The following ANKS1A variants were observed in gnomAD, a reference collection of about 807,000 sequenced individuals.
ANKS1A encodes ankyrin repeat and SAM domain-containing protein 1A.
In ANKS1A, 55 loss-of-function variants were observed where a neutral mutation model predicts 120.3. That is an observed-to-expected ratio of 0.46 (90% CI 0.37 to 0.57). The LOEUF is 0.57. ANKS1A is among the 20% of genes least tolerant of loss of function. The pLI, the probability that ANKS1A is intolerant of heterozygous loss-of-function variation, is 0.00. For missense variants in ANKS1A, 1,123 were observed against 1,480.3 expected, an observed-to-expected ratio of 0.76 and a Z score of 3.96; for synonymous variants, 590 against 604.7, an observed-to-expected ratio of 0.98 and a Z score of 0.36.
chr6:34,938,944 C>T (rs1306088449), intron 1 of ANKS1A, among the ~76,000 whole-genome samples: 3 of 152,184 alleles, frequency 2.0e-5, no homozygotes, highest in Non-Finnish European at 4.4e-5. Flanking sequence ...GCTGAGATCT[C>T]GCCACTGTGC....
At chr6:34,996,774 A>G (rs1194341901) in intron 10 of ANKS1A, among the ~76,000 whole-genome samples, 1 of 152,062 alleles carries the variant, frequency 6.6e-6, no homozygotes, top group Non-Finnish European at 1.5e-5. Flanking sequence ...CCTGGCCACC[A>G]ATCTTTTCTA....
At chr6:34,993,752 G>C (rs1381327415) in intron 9 of ANKS1A, among the ~76,000 whole-genome samples, 1 of 152,196 alleles carries the variant, frequency 6.6e-6, no homozygotes, top group Non-Finnish European at 1.5e-5. Context: ...AAGGATTCCA[G>C]TCTTTGGATA....
chr6:34,952,204 G>C (rs1770124088), intron 1 of ANKS1A, among the ~76,000 whole-genome samples: 1 of 152,092 alleles, frequency 6.6e-6, no homozygotes, highest in Non-Finnish European at 1.5e-5. Context: ...AGGAAATAGT[G>C]GGTTATCTAA....
chr6:35,079,157 G>A (rs1777524475), intron 14 of ANKS1A, among the ~76,000 whole-genome samples: 1 of 152,342 alleles, frequency 6.6e-6, no homozygotes, highest in South Asian at 2.1e-4. Context: ...CCTGTCCAGA[G>A]CTTGGGAAGC....
At chr6:34,984,125 G>A (rs1772059900) in intron 7 of ANKS1A, among the ~76,000 whole-genome samples, 1 of 152,094 alleles carries the variant, frequency 6.6e-6, no homozygotes, top group African/African-American at 2.4e-5. Flanking sequence ...GATTGGTAGG[G>A]GGGTACATGG....
chr6:34,938,024 C>T (rs1769344783), intron 1 of ANKS1A, among the ~76,000 whole-genome samples: 1 of 152,194 alleles, frequency 6.6e-6, no homozygotes, highest in Non-Finnish European at 1.5e-5. Flanking sequence ...GACCTCTCTT[C>T]CACTTAGGGC....
intron 3 of ANKS1A, among the ~76,000 whole-genome samples, chr6:34,971,817 G>A (rs990435111): frequency 6.6e-6 from 1 of 152,146 alleles, no homozygotes; most frequent in Admixed American, 6.5e-5. Context: ...GAGATTGTGT[G>A]TATATAGCTG....
At chr6:35,079,432 T>C in intron 14 of ANKS1A, 84 bp from the exon 15 acceptor site, 1 of 1,558,572 alleles carries the variant, frequency 6.4e-7, no homozygotes, top group Admixed American at 1.8e-5. Context: ...CCACAGTCTG[T>C]GTGAGCTGGC....
chr6:35,096,527 T>G, the ANKS1A span, among the ~76,000 whole-genome samples: 1 of 152,184 alleles, frequency 6.6e-6, no homozygotes, highest in Non-Finnish European at 1.5e-5. Flanking sequence ...CTCATTTTGG[T>G]TTGGTTATGC....
At chr6:35,022,797 T>C (rs1774411411) in intron 11 of ANKS1A, among the ~76,000 whole-genome samples, 1 of 152,026 alleles carries the variant, frequency 6.6e-6, no homozygotes, top group Non-Finnish European at 1.5e-5. Context: ...AAATTCGGAG[T>C]CTTAGTGTAT....
In ANKS1A at chr6:35,059,368, C is replaced by A. The variant is rs1776368326; in HGVS notation, c.2078-779C>A. On this transcript the variant is annotated intron_variant, in intron 12 of 23. Coordinates refer to ENST00000360359, the MANE Select transcript of ANKS1A (RefSeq NM_015245.3). ...CCACACCTGAGCCTGACCCCCGAGC[C>A]CCGGCCCATGTGCCCCATTCAGCCC... 3.9e-5 allele frequency among the ~76,000 whole-genome samples: 6 copies of A among 152,264 alleles called. No individual in the cohort carries two copies. In the South Asian group the frequency reaches 1.2e-3, roughly 31 times the overall value.
chr6:35,039,666 C>A (rs1328761769), intron 11 of ANKS1A: 2 of 455,592 alleles, frequency 4.4e-6, no homozygotes, highest in African/African-American at 4.0e-5. Flanking sequence ...TGCACAGAAG[C>A]CATTCTCCTG....
At chr6:34,941,611 T>G (rs1278085716) in intron 1 of ANKS1A, among the ~76,000 whole-genome samples, 1 of 152,210 alleles carries the variant, frequency 6.6e-6, no homozygotes, top group African/African-American at 2.4e-5. Context: ...TATAATGAAT[T>G]AATGTTGAAT....
At chr6:34,985,329 C>G in intron 8 of ANKS1A, 51 bp downstream of exon 8, 2 of 1,570,588 alleles carry the variant, frequency 1.3e-6, no homozygotes, top group Non-Finnish European at 1.7e-6. Flanking sequence ...GCTGGCTGGC[C>G]CCTGAGGTGA....
chr6:35,006,775 AAAAC>A (rs1266363543), intron 10 of ANKS1A, among the ~76,000 whole-genome samples: 1 of 152,178 alleles, frequency 6.6e-6, no homozygotes, highest in Non-Finnish European at 1.5e-5. Context: ...ACAAAAAACA[AAAAC>A]AAAAATCTCA....
chr6:34,927,035 T>C (rs1768751941), intron 1 of ANKS1A, among the ~76,000 whole-genome samples: 1 of 152,206 alleles, frequency 6.6e-6, no homozygotes. Flanking sequence ...AGTTTGTCCA[T>C]TTGTGAAATG....
At position 34,981,905 on chromosome 6, in the gene ANKS1A, C is replaced by A; in HGVS notation, c.651C>A (p.Thr217=). The stretch of plus-strand genomic sequence containing the variant: ...TGAGCTGCAACACTAAGAAGCACAC[C>A]CCTCTGCACTTGGCAGCAAGGAATG... ...NLLSCNTKKH[T]PLHLAARNGH... is the part of the protein sequence containing the mutation. The change falls in exon 4 of 24, where the codon ACC becomes ACA. Residue 217 remains threonine, a synonymous_variant. Coordinates refer to ENST00000360359, the MANE Select transcript of ANKS1A (RefSeq NM_015245.3). 1 of 1,614,104 alleles carries A rather than the reference C, an allele frequency of 6.2e-7. No homozygotes were observed. The highest frequency in any genetic ancestry group is 8.5e-7 in the Non-Finnish European group (1 of 1,180,014).
chr6:35,015,218 C>T (rs954095130), intron 10 of ANKS1A, among the ~76,000 whole-genome samples: 3 of 151,968 alleles, frequency 2.0e-5, no homozygotes, highest in African/African-American at 4.8e-5. Flanking sequence ...AGAGGAGGGG[C>T]CCAACACAGT....
intron 1 of ANKS1A, among the ~76,000 whole-genome samples, chr6:34,937,924 ACTTT>A (rs1179803050): frequency 1.3e-5 from 2 of 152,190 alleles, no homozygotes; most frequent in Admixed American, 6.5e-5. Flanking sequence ...TATCATGGAC[ACTTT>A]CTTTTGTCAT....
Sources: gnomAD v4.1 joint callset for allele counts (sites outside exome capture counted in the v4.1 genomes callset) on GRCh38, gnomAD v4.1.1 for gene constraint, MANE v1.5 for transcripts, NCBI Gene and HGNC (gene_info 2026-07-23, HGNC 2026-07-21) for gene names.